The following GNG4 variants were observed in gnomAD, a reference collection of about 807,000 sequenced individuals.
The protein encoded by GNG4 is G protein subunit gamma 4, also known as guanine nucleotide-binding protein G(I)/G(S)/G(O) subunit gamma-4.
Under a neutral mutation model 5.8 loss-of-function variants are expected in GNG4, and 4 were observed. The ratio of observed to expected loss-of-function variants is 0.69; its 90% CI spans 0.34 to 1.57. The LOEUF is 1.57. Ranked by LOEUF, GNG4 falls within the 40% of genes most tolerant of loss-of-function variation. The pLI, the probability that GNG4 is intolerant of heterozygous loss-of-function variation, is 0.06. For missense variants in GNG4, 96 were observed against 95.1 expected, an observed-to-expected ratio of 1.01 and a Z score of -0.04; for synonymous variants, 29 against 32.9, an observed-to-expected ratio of 0.88 and a Z score of 0.41.
chr1:235,602,043 G>A (rs552808870), intron 1 of GNG4, among the ~76,000 whole-genome samples: 3 of 152,232 alleles, frequency 2.0e-5, no homozygotes, highest in East Asian at 1.9e-4. Flanking sequence ...AGGCCGAGGC[G>A]GGTGGATCAC....
At chr1:235,631,994 G>A (rs1688940623) in intron 1 of GNG4, among the ~76,000 whole-genome samples, 1 of 152,234 alleles carries the variant, frequency 6.6e-6, no homozygotes, top group Non-Finnish European at 1.5e-5. Context: ...GGAGGGCCTG[G>A]GAGGTCACCA....
Position 235,579,852 on chromosome 1 carries a change from C to CAAAAAACAAAAAAAAA in GNG4, c.99+3887_99+3888insTTTTTTTTTGTTTTTT, listed in dbSNP as rs1687581238. Among the ~76,000 whole-genome samples the CAAAAAACAAAAAAAAA allele has an allele frequency of 9.5e-5, 3 of 31,710 alleles. No individual in the cohort carries two copies. In the Admixed American group the frequency reaches 1.2e-3, roughly 13 times the overall value. 20.8% of individuals were successfully genotyped at this position (31,710 alleles called of 152,430 possible). The stretch of plus-strand genomic sequence containing the variant: ...GGCAACAGAGTGAGACTCCATCTCT[C>CAAAAAACAAAAAAAAA]AAAAAAAAAAAGGTAAAAAGGTTGA... On this transcript the variant is annotated intron_variant, in intron 3 of 3. Transcript: ENST00000391854.
At position 235,555,516 on chromosome 1, in the gene GNG4, A is replaced by T. The variant is rs534803812; in HGVS notation, c.100-3279T>A. Among the ~76,000 whole-genome samples the T allele has an allele frequency of 8.3e-4, 127 of 152,162 alleles. 1 individual carries two copies. Among genetic ancestry groups the T allele is most frequent in the African/African-American group, 3.0e-3 (126 of 41,526 alleles). On this transcript the variant is annotated intron_variant, in intron 3 of 3. Transcript: ENST00000391854. Reference sequence around the variant, plus strand: ...CTGGGCAACATAACAAGACTCTACCATAAAATGAAAAAATTAGCCAGGCAT... The same window carrying T: ...CTGGGCAACATAACAAGACTCTACCTTAAAATGAAAAAATTAGCCAGGCAT...
chr1:235,643,308 G>T (rs925123606), intron 1 of GNG4, among the ~76,000 whole-genome samples: 4 of 152,150 alleles, frequency 2.6e-5, no homozygotes, highest in African/African-American at 9.7e-5. Context: ...TTTCTCATTT[G>T]TCTGGCTTGA....
At chr1:235,598,696 A>T (rs1310200680) in intron 1 of GNG4, among the ~76,000 whole-genome samples, 1 of 151,634 alleles carries the variant, frequency 6.6e-6, no homozygotes, top group Non-Finnish European at 1.5e-5. Flanking sequence ...CTGGGGGAGG[A>T]CTGAGGCATC....
At chr1:235,639,055 C>T (rs1380922231) in intron 1 of GNG4, among the ~76,000 whole-genome samples, 1 of 152,180 alleles carries the variant, frequency 6.6e-6, no homozygotes, top group Non-Finnish European at 1.5e-5. Flanking sequence ...AAAGCCAGCC[C>T]AGCAGCATCC....
rs1687698941 is a variant in GNG4 at position 235,583,743 on chromosome 1, G to A, written c.96C>T (p.Val32=). ...GGGCTGACGCATGCATGCTTACCTT[G>A]ACCCTGTCCATACAGGCTTCCATCT... is the stretch of plus-strand genomic sequence containing the variant. ...QLKMEACMDR[V]KVSQAAADLL... is the part of the protein sequence containing the mutation. The change falls in exon 3 of 4, where the codon GTC becomes GTT. Residue 32 remains valine (V), a synonymous_variant. Coordinates refer to ENST00000391854, the MANE Select transcript of GNG4 (RefSeq NM_001098722.2). 2.5e-6 allele frequency: 4 copies of A among 1,603,728 alleles called. No individual in the cohort carries two copies. Among genetic ancestry groups the A allele is most frequent in the Admixed American group, 3.3e-5 (2 of 59,968 alleles).
At chr1:235,641,135 A>C (rs779266505) in intron 1 of GNG4, among the ~76,000 whole-genome samples, 12 of 152,342 alleles carry the variant, frequency 7.9e-5, no homozygotes, top group Non-Finnish European at 1.8e-4. Context: ...GCCTGTAATT[A>C]TGCACTTTGG....
At chr1:235,629,122 A>T (rs1324070081) in intron 1 of GNG4, among the ~76,000 whole-genome samples, 1 of 150,530 alleles carries the variant, frequency 6.6e-6, no homozygotes, top group Admixed American at 6.7e-5. Flanking sequence ...GGCTCAAGAG[A>T]TCCTCCCACT....
intron 2 of GNG4, among the ~76,000 whole-genome samples, chr1:235,586,531 G>A (rs1687763536): frequency 6.6e-6 from 1 of 152,196 alleles, no homozygotes; most frequent in South Asian, 2.1e-4. Context: ...CAAATCTCAT[G>A]ACGAAATGCG....
At chr1:235,556,708 T>G (rs1022688787) in intron 3 of GNG4, among the ~76,000 whole-genome samples, 1 of 151,162 alleles carries the variant, frequency 6.6e-6, no homozygotes, top group Non-Finnish European at 1.5e-5. Context: ...TTCAGGAGGA[T>G]TCAAGTGCAT....
intron 1 of GNG4, among the ~76,000 whole-genome samples, chr1:235,624,235 T>C (rs1158662960): frequency 6.6e-6 from 1 of 151,698 alleles, no homozygotes; most frequent in Admixed American, 6.6e-5. Context: ...CCCGAGTAGC[T>C]GGGATTACAG....
intron 3 of GNG4, among the ~76,000 whole-genome samples, chr1:235,557,202 G>A (rs1403208827): frequency 6.6e-6 from 1 of 152,112 alleles, no homozygotes. Context: ...ACTGTATACA[G>A]AATCTATACT....
At chr1:235,610,934 A>G (rs942810784) in intron 1 of GNG4, among the ~76,000 whole-genome samples, 16 of 152,174 alleles carry the variant, frequency 1.1e-4, no homozygotes, top group African/African-American at 3.9e-4. Context: ...AAAAAAATAC[A>G]AAAATTTGCC....
chr1:235,560,269 A>C (rs879923308), intron 3 of GNG4, among the ~76,000 whole-genome samples: 3 of 152,140 alleles, frequency 2.0e-5, no homozygotes, highest in African/African-American at 7.2e-5. Flanking sequence ...GCATGTTAGG[A>C]GGTGAGGCCT....
intron 1 of GNG4, among the ~76,000 whole-genome samples, chr1:235,625,737 T>C (rs968586309): frequency 6.6e-6 from 1 of 152,228 alleles, no homozygotes. Context: ...TATGTAAGTC[T>C]CCTCTATGTT....
At chr1:235,618,046 G>A (rs1688634705) in intron 1 of GNG4, among the ~76,000 whole-genome samples, 1 of 152,178 alleles carries the variant, frequency 6.6e-6, no homozygotes, top group Admixed American at 6.5e-5. Flanking sequence ...ACAGTGGCAA[G>A]CTGACTGGTA....
intron 2 of GNG4, among the ~76,000 whole-genome samples, chr1:235,594,694 C>G (rs1441910015): frequency 2.0e-5 from 3 of 152,350 alleles, no homozygotes; most frequent in African/African-American, 7.2e-5. Context: ...GCCGCTAAAC[C>G]CACGCCCACC....
chr1:235,574,858 G>A (rs971163917), intron 3 of GNG4, among the ~76,000 whole-genome samples: 3 of 151,862 alleles, frequency 2.0e-5, no homozygotes, highest in Admixed American at 1.3e-4. Flanking sequence ...GGAGTCTCCC[G>A]CTGTTGCCCA....
Sources: allele counts gnomAD v4.1 joint callset (sites outside exome capture counted in the v4.1 genomes callset), GRCh38; gene constraint gnomAD v4.1.1; transcripts MANE v1.5; gene names NCBI Gene and HGNC (gene_info 2026-07-23, HGNC 2026-07-21).